Variants in RBM27 observed in about 807,000 individuals in gnomAD.
RBM27 encodes the protein RNA binding motif protein 27.
A neutral mutation model predicts 135.3 loss-of-function variants in RBM27; 22 were observed. The observed-to-expected ratio is 0.16, with a 90% CI of 0.12 to 0.23. The LOEUF (loss-of-function observed/expected upper bound fraction) is 0.23. RBM27 is among the 10% of genes least tolerant of loss of function. The pLI is 1.00. For missense variants in RBM27, 1,009 were observed against 1,281.0 expected (o/e 0.79, Z 3.24); for synonymous variants, 481 against 442.4 (o/e 1.09, Z -1.10).
At chr5:146,281,387 A>T (rs147173595) in intron 19 of RBM27, among the ~76,000 whole-genome samples, 2,122 of 152,280 alleles carry the variant, frequency 0.014, 17 homozygotes, top group Non-Finnish European at 0.024. Flanking sequence ...GTCTTTCAAC[A>T]GAAACACATA....
At position 146,236,098 on chromosome 5, in the gene RBM27, A is replaced by G. The variant is rs571806919; in HGVS notation, c.1145-1200A>G. On this transcript the variant is annotated intron_variant, in intron 7 of 20. Transcript: ENST00000265271. ...TCGTTTTATATATGGAAATTCTAAA[A>G]TAAAGAACGTTATCTCAGCGTGGGA... is the stretch of plus-strand genomic sequence containing the variant. Among the ~76,000 whole-genome samples the G allele has an allele frequency of 2.6e-5, 4 of 152,374 alleles. No homozygotes were observed. The East Asian group carries it at 7.7e-4, about 29-fold the overall frequency.
chr5:146,224,126 G>A (rs1756568203), intron 3 of RBM27, among the ~76,000 whole-genome samples: 2 of 152,106 alleles, frequency 1.3e-5, no homozygotes, highest in African/African-American at 4.8e-5. Context: ...CTGTAATCAG[G>A]TTGCATGAGT....
At chr5:146,264,223 G>T (rs976876300) in intron 14 of RBM27, among the ~76,000 whole-genome samples, 2 of 151,946 alleles carry the variant, frequency 1.3e-5, no homozygotes, top group Non-Finnish European at 2.9e-5. Flanking sequence ...TGCTCTTGTT[G>T]CCCAGGCTGG....
At chr5:146,255,161 C>A in intron 10 of RBM27, 69 bp downstream of exon 10, 1 of 1,392,148 alleles carries the variant, frequency 7.2e-7, no homozygotes, top group Non-Finnish European at 9.8e-7. Context: ...ATTACATTTG[C>A]ATTTCTGGCC....
chr5:146,231,034 T>C, intron 6 of RBM27, 117 bp downstream of exon 6: 1 of 1,252,044 alleles, frequency 8.0e-7, no homozygotes, highest in East Asian at 2.6e-5. Flanking sequence ...TTATTTTATT[T>C]ATTTTGAGAC....
chr5:146,243,148 C>T (rs1324216488), intron 8 of RBM27, among the ~76,000 whole-genome samples: 2 of 151,800 alleles, frequency 1.3e-5, no homozygotes, highest in Non-Finnish European at 2.9e-5. Flanking sequence ...CGCCTGTAAT[C>T]CCAGCTACTC....
intron 6 of RBM27, among the ~76,000 whole-genome samples, chr5:146,232,990 T>C (rs1243663734): frequency 6.6e-6 from 1 of 152,240 alleles, no homozygotes; most frequent in East Asian, 1.9e-4. Context: ...GTACATAATG[T>C]TCACGTGAAT....
intron 8 of RBM27, among the ~76,000 whole-genome samples, chr5:146,250,213 G>A (rs1757822555): frequency 6.6e-6 from 1 of 152,004 alleles, no homozygotes; most frequent in African/African-American, 2.4e-5. Flanking sequence ...GGCCGAGACG[G>A]GCAGATCACG....
At chr5:146,221,283 A>C (rs938447054) in intron 2 of RBM27, among the ~76,000 whole-genome samples, 1 of 152,210 alleles carries the variant, frequency 6.6e-6, no homozygotes, top group Non-Finnish European at 1.5e-5. Flanking sequence ...CACCAGAGAT[A>C]AAATCACTGT....
chr5:146,260,950 A>G (rs781173892), intron 12 of RBM27, 52 bp downstream of exon 12: 13 of 1,516,740 alleles, frequency 8.6e-6, no homozygotes, highest in Admixed American at 3.9e-5. Context: ...GGGTCTTGGG[A>G]ATATTTCTAT....
At chr5:146,238,657 ATT>A (rs34275433) in intron 8 of RBM27, among the ~76,000 whole-genome samples, 272 of 142,352 alleles carry the variant, frequency 1.9e-3, no homozygotes, top group Non-Finnish European at 2.6e-3. Flanking sequence ...AAATTAGAAG[ATT>A]TTTTTTTTTT....
chr5:146,219,283 T>C (rs924548622), intron 2 of RBM27, among the ~76,000 whole-genome samples, 180 bp downstream of exon 2: 12 of 152,224 alleles, frequency 7.9e-5, no homozygotes, highest in Non-Finnish European at 1.3e-4. Flanking sequence ...GTTTTTTCCC[T>C]TTCCTTCTTT....
rs769542712 is a variant in RBM27, at chr5:146,284,624, C to G, written c.2991C>G (p.Thr997=). ...TGTTCTTCTAATATATATTTTAGAC[C>G]GCAAACCAAGGGCCAAAATTTAAAG... ...EKEDLLQHFS[T]ANQGPKFKDR... The change falls in exon 20 of 21, where the codon ACC becomes ACG. Residue 997 remains threonine (T), a splice_region_variant and synonymous_variant. Coordinates refer to ENST00000265271, the MANE Select transcript of RBM27 (RefSeq NM_018989.2). 1.2e-6 allele frequency: 2 copies of G among 1,605,750 alleles called. No homozygotes were observed. Among genetic ancestry groups the G allele is most frequent in the Non-Finnish European group, 1.7e-6 (2 of 1,173,950 alleles).
intron 9 of RBM27, among the ~76,000 whole-genome samples, chr5:146,253,856 T>C (rs1212011855): frequency 1.3e-5 from 2 of 152,182 alleles, no homozygotes; most frequent in African/African-American, 2.4e-5. Context: ...CAAATGCCTG[T>C]AGTGGCCAGG....
intron 19 of RBM27, among the ~76,000 whole-genome samples, chr5:146,283,820 A>T (rs1759467901): frequency 6.6e-6 from 1 of 152,242 alleles, no homozygotes; most frequent in African/African-American, 2.4e-5. Flanking sequence ...TTTGCTAGAT[A>T]GACTAGAATG....
At chr5:146,282,429 C>T (rs1759402566) in intron 19 of RBM27, among the ~76,000 whole-genome samples, 1 of 152,066 alleles carries the variant, frequency 6.6e-6, no homozygotes, top group African/African-American at 2.4e-5. Flanking sequence ...ATACAGTTGG[C>T]CCTTCATATG....
chr5:146,277,830 G>A (rs1353141816), intron 19 of RBM27, among the ~76,000 whole-genome samples: 1 of 151,916 alleles, frequency 6.6e-6, no homozygotes, highest in Non-Finnish European at 1.5e-5. Flanking sequence ...ACCGCGCCTG[G>A]CCAATAATTT....
chr5:146,269,724 A>C (rs1237116095), intron 17 of RBM27, 140 bp downstream of exon 17: 3 of 466,378 alleles, frequency 6.4e-6, no homozygotes, highest in South Asian at 1.0e-4. Context: ...CTTAAAAAAA[A>C]AATCCTAATT....
chr5:146,238,048 T>C (rs1396872050), intron 8 of RBM27, among the ~76,000 whole-genome samples: 7 of 152,184 alleles, frequency 4.6e-5, no homozygotes, highest in Non-Finnish European at 1.5e-5. Context: ...ATTGTTTATC[T>C]GATTGATTTT....
Sources: allele counts gnomAD v4.1 joint callset (sites outside exome capture counted in the v4.1 genomes callset), GRCh38; gene constraint gnomAD v4.1.1; transcripts MANE v1.5; gene names NCBI Gene and HGNC (gene_info 2026-07-23, HGNC 2026-07-21).